Variants in MSR1 observed in about 807,000 individuals in gnomAD.
MSR1 encodes macrophage scavenger receptor types I and II.
A neutral mutation model predicts 47.2 loss-of-function variants in MSR1; 53 were observed. The ratio of observed to expected loss-of-function variants is 1.12; its 90% CI spans 0.90 to 1.41. MSR1 has a LOEUF of 1.41. Among genes scored for constraint, MSR1 ranks in the 40% most tolerant of loss-of-function variants. The probability of loss-of-function intolerance (pLI) is 0.00; values close to 1 mark genes in which losing one functional copy is unlikely to be tolerated. For missense variants in MSR1, 786 were observed against 546.9 expected, an observed-to-expected ratio of 1.44 and a Z score of -4.36; for synonymous variants, 239 against 185.6, an observed-to-expected ratio of 1.29 and a Z score of -2.34.
At chr8:16,172,660 T>C (rs1324048816) in intron 3 of MSR1, among the ~76,000 whole-genome samples, 6 of 152,114 alleles carry the variant, frequency 3.9e-5, no homozygotes, top group African/African-American at 1.4e-4. Flanking sequence ...GAATTTTTAG[T>C]ATTTCAGTAA....
intron 1 of MSR1, among the ~76,000 whole-genome samples, chr8:16,187,703 T>A (rs1262643878): frequency 6.6e-6 from 1 of 152,138 alleles, no homozygotes; most frequent in Non-Finnish European, 1.5e-5. Context: ...GGATTTTATA[T>A]CTTAGGTTAT....
intron 5 of MSR1, among the ~76,000 whole-genome samples, chr8:16,163,327 G>A (rs996690991): frequency 2.0e-5 from 3 of 151,716 alleles, no homozygotes; most frequent in Non-Finnish European, 2.9e-5. Flanking sequence ...GAAAAGGTAA[G>A]TATTCATTAC....
chr8:16,116,321 C>T (rs1269600861), intron 9 of MSR1, among the ~76,000 whole-genome samples: 1 of 152,086 alleles, frequency 6.6e-6, no homozygotes, highest in Non-Finnish European at 1.5e-5. Flanking sequence ...TTTAAACTTG[C>T]AATTTTTTAA....
intron 1 of MSR1, chr8:16,186,060 G>A (rs1386619010): frequency 2.9e-6 from 3 of 1,050,208 alleles, no homozygotes; most frequent in Admixed American, 2.4e-5. Flanking sequence ...TGTTTTTCCT[G>A]TGTGGTAGAA....
At chr8:16,158,621 C>G (rs1362080972) in intron 5 of MSR1, among the ~76,000 whole-genome samples, 2 of 151,880 alleles carry the variant, frequency 1.3e-5, no homozygotes, top group African/African-American at 4.8e-5. Flanking sequence ...GCTGCCTAAA[C>G]CTGCTTCTTT....
chr8:16,153,999 T>A (rs1800930868), intron 6 of MSR1, among the ~76,000 whole-genome samples: 1 of 152,046 alleles, frequency 6.6e-6, no homozygotes, highest in Middle Eastern at 3.4e-3. Flanking sequence ...ATTGCTATTT[T>A]ATATATATAA....
chr8:16,156,080 T>C (rs1169104165), intron 5 of MSR1, among the ~76,000 whole-genome samples: 1 of 151,738 alleles, frequency 6.6e-6, no homozygotes, highest in African/African-American at 2.4e-5. Flanking sequence ...CCATATGGAG[T>C]ACAGAGGACA....
chr8:16,166,940 C>G (rs1801329771), intron 4 of MSR1, among the ~76,000 whole-genome samples: 1 of 135,218 alleles, frequency 7.4e-6, no homozygotes, highest in Admixed American at 7.3e-5. Flanking sequence ...CAGGAGTACA[C>G]ACACACACAC....
In MSR1 at chr8:16,168,706, T is replaced by C. The variant is rs766539978; in HGVS notation, c.382A>G (p.Ile128Val). 1.4e-5 allele frequency: 23 copies of C among 1,614,188 alleles called. No individual in the cohort carries two copies. In the South Asian group the frequency reaches 2.3e-4, roughly 16 times the overall value. ...MSNMEKRIQHILDMEANLMDT... is the reference protein window; with the variant it reads ...MSNMEKRIQHVLDMEANLMDT... ...ATGAGGTTGGCTTCCATGTCTAAAA[T>C]ATGCTGGATTCTCTTCTCCATGTTG... Residue 128 changes from isoleucine (I) to valine (V), a missense_variant, in exon 4 of 10, where the codon ATT becomes GTT. Physicochemically the swap from Ile to Val is conservative, Grantham distance 29. Coordinates refer to ENST00000262101, the MANE Select transcript of MSR1 (RefSeq NM_138715.3).
At chr8:16,190,366 A>T (rs551625010) in intron 1 of MSR1, among the ~76,000 whole-genome samples, 4 of 152,330 alleles carry the variant, frequency 2.6e-5, no homozygotes, top group African/African-American at 7.2e-5. Flanking sequence ...CTTATATGTG[A>T]ATATGGCAGT....
In MSR1 at chr8:16,150,260, C is replaced by T. The variant is rs1232810247; in HGVS notation, c.950G>A (p.Arg317Gln). Residue 317 changes from arginine to glutamine, a missense_variant, in exon 7 of 10, where the codon CGA becomes CAA. Coordinates refer to ENST00000262101, the MANE Select transcript of MSR1 (RefSeq NM_138715.3). ...DRGAIGFPGS[R>Q]GLPGYAGRPG... ...CCTTCCGGCATATCCTGGGAGTCCT[C>T]GACTTCCAGGAAAGCCAATTGCTCC... is the stretch of plus-strand genomic sequence containing the variant. The T allele has an allele frequency of 9.0e-6, 14 of 1,563,222 alleles. No individual in the cohort carries two copies. Among genetic ancestry groups the T allele is most frequent in the Admixed American group, 3.6e-5 (2 of 56,250 alleles).
intron 8 of MSR1, among the ~76,000 whole-genome samples, chr8:16,137,444 A>G (rs80267304): frequency 0.012 from 1,777 of 151,756 alleles, 88 homozygotes; most frequent in East Asian, 0.11. Flanking sequence ...CTCTCTCTCT[A>G]TCTATCTCTT....
chr8:16,171,010 G>A (rs1446808194), intron 3 of MSR1, among the ~76,000 whole-genome samples: 1 of 151,992 alleles, frequency 6.6e-6, no homozygotes, highest in African/African-American at 2.4e-5. Context: ...GATCACCTGA[G>A]GTCAGGAGTT....
intron 8 of MSR1, chr8:16,141,095 A>C: frequency 1.2e-6 from 2 of 1,601,116 alleles, no homozygotes; most frequent in Non-Finnish European, 1.7e-6. Context: ...ATATTTTCAG[A>C]AAGCCTTACA....
intron 3 of MSR1, among the ~76,000 whole-genome samples, 169 bp downstream of exon 3, chr8:16,175,013 TACTTA>T (rs1385833469): frequency 6.6e-6 from 1 of 152,212 alleles, no homozygotes; most frequent in African/African-American, 2.4e-5. Flanking sequence ...TATTTTTTTC[TACTTA>T]ACTTTGCGGA....
chr8:16,162,430 C>T (rs945940127), intron 5 of MSR1, among the ~76,000 whole-genome samples: 1 of 151,988 alleles, frequency 6.6e-6, no homozygotes, highest in Non-Finnish European at 1.5e-5. Context: ...AGAAGAAATG[C>T]CCGAGGTGCT....
At chr8:16,190,961 T>C (rs1422846033) in intron 1 of MSR1, among the ~76,000 whole-genome samples, 1 of 152,098 alleles carries the variant, frequency 6.6e-6, no homozygotes, top group South Asian at 2.1e-4. Context: ...CCTCAGGTAA[T>C]CCACCTGCCT....
intron 7 of MSR1, among the ~76,000 whole-genome samples, chr8:16,147,189 T>A (rs555604817): frequency 6.6e-6 from 1 of 152,182 alleles, no homozygotes; most frequent in Admixed American, 6.5e-5. Flanking sequence ...GAAGTAAATA[T>A]ATCAGGTCTT....
intron 5 of MSR1, among the ~76,000 whole-genome samples, chr8:16,160,727 G>T (rs765433626): frequency 6.6e-6 from 1 of 152,002 alleles, no homozygotes; most frequent in African/African-American, 2.4e-5. Context: ...AAGAGAAAGA[G>T]AAAATGTCTA....
Sources: allele counts gnomAD v4.1 joint callset (sites outside exome capture counted in the v4.1 genomes callset), GRCh38; gene constraint gnomAD v4.1.1; transcripts MANE v1.5; gene names NCBI Gene and HGNC (gene_info 2026-07-23, HGNC 2026-07-21).